ENTREP2: variants seen among roughly 807,000 people sequenced by gnomAD.
ENTREP2 encodes the protein protein ENTREP2.
At chr15:29,541,751 A>G in the ENTREP2 span, among the ~76,000 whole-genome samples, 20 of 152,330 alleles carry the variant, frequency 1.3e-4, no homozygotes, top group Middle Eastern at 3.4e-3. Flanking sequence ...CTGGGCACAG[A>G]GAGCACACAG....
At chr15:29,137,169 G>A in the ENTREP2 span, 9 of 1,481,928 alleles carry the variant, frequency 6.1e-6, no homozygotes, top group Admixed American at 5.6e-5. Flanking sequence ...GGTGGGGTTG[G>A]CAGGATGTGA....
At chr15:29,562,262 G>T in the ENTREP2 span, among the ~76,000 whole-genome samples, 512 of 152,348 alleles carry the variant, frequency 3.4e-3, 4 homozygotes, top group African/African-American at 0.012. Context: ...GTCAGGTGAT[G>T]AAATTGGAAT....
the ENTREP2 span, among the ~76,000 whole-genome samples, chr15:29,466,468 C>T: frequency 0.061 from 8,809 of 144,688 alleles, 306 homozygotes; most frequent in Non-Finnish European, 0.072. Context: ...ATGCTGATGG[C>T]CCCAGGGGAG....
At chr15:29,501,248 G>A in the ENTREP2 span, among the ~76,000 whole-genome samples, 4 of 148,720 alleles carry the variant, frequency 2.7e-5, no homozygotes, top group Admixed American at 6.8e-5. Context: ...ATCAATAACC[G>A]TTGTGACTAC....
At chr15:29,197,067 C>G in the ENTREP2 span, among the ~76,000 whole-genome samples, 4 of 152,200 alleles carry the variant, frequency 2.6e-5, no homozygotes, top group Non-Finnish European at 4.4e-5. Flanking sequence ...CTTTATCCAG[C>G]TACAGGTGCA....
chr15:29,635,837 C>T, the ENTREP2 span, among the ~76,000 whole-genome samples: 1 of 152,206 alleles, frequency 6.6e-6, no homozygotes, highest in Admixed American at 6.5e-5. Flanking sequence ...GCCTCCACTG[C>T]TGAGGCAAGG....
the ENTREP2 span, among the ~76,000 whole-genome samples, chr15:29,532,618 T>G: frequency 6.6e-6 from 1 of 152,180 alleles, no homozygotes; most frequent in Non-Finnish European, 1.5e-5. Context: ...AATCTCACTT[T>G]GATAAATGGG....
chr15:29,140,428 CCTG>C, the ENTREP2 span, among the ~76,000 whole-genome samples: 2 of 152,186 alleles, frequency 1.3e-5, no homozygotes, highest in Non-Finnish European at 2.9e-5. Context: ...TGGTCGCCAT[CCTG>C]CTACCACAGC....
At chr15:29,509,100 A>G in the ENTREP2 span, among the ~76,000 whole-genome samples, 1 of 152,184 alleles carries the variant, frequency 6.6e-6, no homozygotes, top group Non-Finnish European at 1.5e-5. Context: ...ATTCCTATAC[A>G]CCAATAATAG....
At chr15:29,341,572 C>T in the ENTREP2 span, among the ~76,000 whole-genome samples, 1 of 152,224 alleles carries the variant, frequency 6.6e-6, no homozygotes, top group Non-Finnish European at 1.5e-5. Flanking sequence ...GCAACACACG[C>T]TCACATGTTC....
the ENTREP2 span, among the ~76,000 whole-genome samples, chr15:29,119,203 T>C: frequency 1.3e-5 from 2 of 152,192 alleles, no homozygotes; most frequent in Non-Finnish European, 1.5e-5. Context: ...AGCTGTTCCA[T>C]AGGAGACTGT....
the ENTREP2 span, among the ~76,000 whole-genome samples, chr15:29,459,789 C>T: frequency 6.6e-6 from 1 of 152,198 alleles, no homozygotes; most frequent in Non-Finnish European, 1.5e-5. Context: ...TGGGAGGTGA[C>T]TCTTCCATTA....
At chr15:29,304,037 T>A in the ENTREP2 span, among the ~76,000 whole-genome samples, 1 of 152,142 alleles carries the variant, frequency 6.6e-6, no homozygotes, top group East Asian at 1.9e-4. Flanking sequence ...GCTGCCACCA[T>A]GCCCTGCTAA....
the ENTREP2 span, among the ~76,000 whole-genome samples, chr15:29,410,355 T>C: frequency 3.3e-5 from 5 of 152,116 alleles, no homozygotes; most frequent in Non-Finnish European, 7.4e-5. Context: ...GGCAGAGAAC[T>C]AATTGGCTCC....
At chr15:29,550,054 A>G in the ENTREP2 span, among the ~76,000 whole-genome samples, 1 of 152,164 alleles carries the variant, frequency 6.6e-6, no homozygotes, top group East Asian at 1.9e-4. Context: ...CCCTCCAGAC[A>G]CTGTCCCTCT....
chr15:29,489,500 C>T, the ENTREP2 span, among the ~76,000 whole-genome samples: 2 of 151,678 alleles, frequency 1.3e-5, no homozygotes, highest in South Asian at 2.1e-4. Context: ...AACTTTGATT[C>T]TGTATGTGCG....
At chr15:29,207,322 C>T in the ENTREP2 span, among the ~76,000 whole-genome samples, 4 of 152,114 alleles carry the variant, frequency 2.6e-5, no homozygotes, top group African/African-American at 9.7e-5. Flanking sequence ...AGGCCGCAGA[C>T]GTTCCCAGCG....
the ENTREP2 span, among the ~76,000 whole-genome samples, chr15:29,655,068 C>G: frequency 1.3e-5 from 2 of 151,968 alleles, no homozygotes; most frequent in Non-Finnish European, 2.9e-5. Flanking sequence ...CAACAAACAT[C>G]AAATGATCCT....
the ENTREP2 span, among the ~76,000 whole-genome samples, chr15:29,458,860 C>T: frequency 6.6e-6 from 1 of 152,102 alleles, no homozygotes; most frequent in African/African-American, 2.4e-5. Flanking sequence ...GTATTTTTTC[C>T]ACAGACTCCT....
Sources: gnomAD v4.1 joint callset for allele counts (sites outside exome capture counted in the v4.1 genomes callset) on GRCh38, gnomAD v4.1.1 for gene constraint, MANE v1.5 for transcripts, NCBI Gene and HGNC (gene_info 2026-07-23, HGNC 2026-07-21) for gene names.